CALN1: variants seen among roughly 807,000 people sequenced by gnomAD.
CALN1 encodes calneuron 1, also known as calcium-binding protein 8.
Under a neutral mutation model 30.6 loss-of-function variants are expected in CALN1, and 17 were observed. The observed-to-expected ratio is 0.56, with a 90% CI of 0.38 to 0.83. CALN1 has a LOEUF of 0.83. Ranked by LOEUF, CALN1 falls within the 40% of genes least tolerant of loss-of-function variation. CALN1 has a pLI of 0.00. For missense variants in CALN1, 291 were observed against 354.9 expected (o/e 0.82, Z 1.45); for synonymous variants, 156 against 131.4 (o/e 1.19, Z -1.28).
At chr7:72,000,877 G>A (rs1177844952) in intron 5 of CALN1, among the ~76,000 whole-genome samples, 2 of 152,196 alleles carry the variant, frequency 1.3e-5, no homozygotes, top group African/African-American at 4.8e-5. Flanking sequence ...ACATCAGCAG[G>A]GCCGGAGAGG....
chr7:72,286,161 C>A (rs755970994), intron 2 of CALN1, among the ~76,000 whole-genome samples: 1 of 152,166 alleles, frequency 6.6e-6, no homozygotes, highest in African/African-American at 2.4e-5. Flanking sequence ...AGATTGTTAT[C>A]TACCCAAATT....
At chr7:72,259,954 A>T (rs1796158398) in intron 3 of CALN1, among the ~76,000 whole-genome samples, 1 of 152,228 alleles carries the variant, frequency 6.6e-6, no homozygotes, top group Non-Finnish European at 1.5e-5. Flanking sequence ...TACCTTGTCC[A>T]GTCTTCCCAC....
chr7:72,448,513 A>C (rs1808588096), upstream of CALN1, among the ~76,000 whole-genome samples: 1 of 151,852 alleles, frequency 6.6e-6, no homozygotes, highest in African/African-American at 2.4e-5. Flanking sequence ...AGACCGCCAC[A>C]CCTCATCCTC....
the CALN1 span, among the ~76,000 whole-genome samples, chr7:72,464,792 C>G: frequency 2.4e-4 from 37 of 152,186 alleles, no homozygotes; most frequent in African/African-American, 8.9e-4. Context: ...TAGATCCTTC[C>G]TTTTTAGTCC....
At chr7:72,179,300 G>C (rs1247122878) in intron 3 of CALN1, among the ~76,000 whole-genome samples, 8 of 152,200 alleles carry the variant, frequency 5.3e-5, no homozygotes, top group African/African-American at 1.9e-4. Context: ...TAATATGCTT[G>C]AGATTAAAAG....
intron 2 of CALN1, among the ~76,000 whole-genome samples, chr7:72,295,103 A>G (rs1798761434): frequency 6.6e-6 from 1 of 152,172 alleles, no homozygotes; most frequent in African/African-American, 2.4e-5. Flanking sequence ...CTCACAAATC[A>G]CTACTAAAGA....
intron 2 of CALN1, among the ~76,000 whole-genome samples, chr7:72,291,660 G>C (rs1391246182): frequency 6.6e-6 from 1 of 152,166 alleles, no homozygotes; most frequent in Non-Finnish European, 1.5e-5. Flanking sequence ...TGTGGAGACT[G>C]AGTCTAGCTC....
chr7:72,060,893 T>C (rs1251694090), intron 4 of CALN1, among the ~76,000 whole-genome samples: 1 of 152,216 alleles, frequency 6.6e-6, no homozygotes, highest in Non-Finnish European at 1.5e-5. Flanking sequence ...TACAGAACTG[T>C]GAGCCAAATA....
chr7:71,973,792 G>C (rs926437932), intron 5 of CALN1, among the ~76,000 whole-genome samples: 4 of 152,114 alleles, frequency 2.6e-5, no homozygotes, highest in Non-Finnish European at 4.4e-5. Flanking sequence ...AAATGACGCA[G>C]CTACGTTTAA....
chr7:72,232,979 C>G (rs994280435), intron 3 of CALN1, among the ~76,000 whole-genome samples: 1 of 151,644 alleles, frequency 6.6e-6, no homozygotes, highest in African/African-American at 2.4e-5. Context: ...TAGCATGTAA[C>G]ATGTTTAGCA....
intron 6 of CALN1, among the ~76,000 whole-genome samples, chr7:71,788,700 C>T (rs923173532): frequency 1.3e-5 from 2 of 151,930 alleles, no homozygotes; most frequent in Non-Finnish European, 2.9e-5. Context: ...CTCTGTCACC[C>T]AGGCTGGAGT....
At chr7:71,959,434 A>T (rs890601567) in intron 5 of CALN1, among the ~76,000 whole-genome samples, 1 of 152,130 alleles carries the variant, frequency 6.6e-6, no homozygotes, top group African/African-American at 2.4e-5. Flanking sequence ...AGTCCTTTTG[A>T]GGAAAGGAAA....
At chr7:72,241,827 C>T (rs1385026376) in intron 3 of CALN1, among the ~76,000 whole-genome samples, 6 of 152,170 alleles carry the variant, frequency 3.9e-5, no homozygotes, top group Non-Finnish European at 7.3e-5. Flanking sequence ...CCCATGCCAT[C>T]TAAAAAGTAA....
At chr7:72,120,418 G>A (rs1808296617) in intron 3 of CALN1, among the ~76,000 whole-genome samples, 2 of 151,936 alleles carry the variant, frequency 1.3e-5, no homozygotes, top group South Asian at 4.1e-4. Flanking sequence ...CCATCCTATG[G>A]CCATAGCAAA....
chr7:71,994,851 ATT>A (rs564198396), intron 5 of CALN1, among the ~76,000 whole-genome samples: 50 of 123,126 alleles, frequency 4.1e-4, no homozygotes, highest in African/African-American at 1.3e-3. Context: ...GCCCCTTCCT[ATT>A]TTTTTTTTTT....
chr7:72,443,734 G>A (rs955725115), intron 1 of CALN1, among the ~76,000 whole-genome samples: 3 of 151,868 alleles, frequency 2.0e-5, no homozygotes, highest in Non-Finnish European at 4.4e-5. Flanking sequence ...CTTTACTTGA[G>A]AACAGGGGGC....
At chr7:72,237,893 G>A (rs1794575062) in intron 3 of CALN1, among the ~76,000 whole-genome samples, 1 of 152,224 alleles carries the variant, frequency 6.6e-6, no homozygotes, top group Admixed American at 6.5e-5. Context: ...GGAAGTGCCT[G>A]CAACATCATG....
chr7:72,046,692 A>C (rs1802489461), intron 4 of CALN1, among the ~76,000 whole-genome samples: 1 of 142,762 alleles, frequency 7.0e-6, no homozygotes, highest in Non-Finnish European at 1.5e-5. Flanking sequence ...CCTGGGCAAC[A>C]GAGCGAGACT....
At chr7:72,253,745 C>T (rs1795722066) in intron 3 of CALN1, among the ~76,000 whole-genome samples, 1 of 152,008 alleles carries the variant, frequency 6.6e-6, no homozygotes, top group African/African-American at 2.4e-5. Context: ...AACCATATCC[C>T]CATTCTTTTT....
Sources: gnomAD v4.1 joint callset for allele counts (sites outside exome capture counted in the v4.1 genomes callset) on GRCh38, gnomAD v4.1.1 for gene constraint, MANE v1.5 for transcripts, NCBI Gene and HGNC (gene_info 2026-07-23, HGNC 2026-07-21) for gene names.